The following POR variants were observed in gnomAD, a reference collection of about 807,000 sequenced individuals.
POR encodes cytochrome p450 oxidoreductase, also known as NADPH--cytochrome P450 reductase.
Under a neutral mutation model 84.0 loss-of-function variants are expected in POR, and 56 were observed. The observed-to-expected ratio is 0.67, with a 90% confidence interval of 0.54 to 0.83. The LOEUF (loss-of-function observed/expected upper bound fraction) is 0.83, where lower values mean the gene tolerates loss of function less well. Ranked by LOEUF, POR falls within the 40% of genes least tolerant of loss-of-function variation. The pLI is 0.00. For missense variants in POR, 938 were observed against 944.3 expected (o/e 0.99, Z 0.09); for synonymous variants, 414 against 400.5 (o/e 1.03, Z -0.40).
intron 2 of POR, among the ~76,000 whole-genome samples, chr7:75,967,326 C>T (rs1396702531): frequency 1.3e-5 from 2 of 152,148 alleles, no homozygotes; most frequent in African/African-American, 2.4e-5. Flanking sequence ...GAAGGGTGCT[C>T]CCCAAGACAG....
intron 1 of POR, among the ~76,000 whole-genome samples, chr7:75,930,776 C>A (rs1396683713): frequency 2.0e-5 from 3 of 152,206 alleles, no homozygotes; most frequent in Non-Finnish European, 2.9e-5. Flanking sequence ...CCCACCTCGA[C>A]CTCCCAGAGT....
At chr7:75,968,484 T>A (rs1788285492) in intron 2 of POR, among the ~76,000 whole-genome samples, 1 of 152,220 alleles carries the variant, frequency 6.6e-6, no homozygotes, top group South Asian at 2.1e-4. Flanking sequence ...AGGTCTGAGG[T>A]CCTCCGATGG....
At chr7:75,918,237 C>T (rs574833711) in intron 1 of POR, among the ~76,000 whole-genome samples, 24 of 151,978 alleles carry the variant, frequency 1.6e-4, no homozygotes, top group Non-Finnish European at 2.8e-4. Flanking sequence ...ACCTGGGAAG[C>T]GGAGGTTGCA....
At chr7:75,983,403 T>C in intron 8 of POR, 117 bp from the exon 9 acceptor site, 5 of 721,942 alleles carry the variant, frequency 6.9e-6, no homozygotes, top group Non-Finnish European at 1.2e-5. Context: ...ACCGGTGAGA[T>C]TTCCTCATGG....
chr7:75,938,421 T>C (rs1807804212), intron 1 of POR, among the ~76,000 whole-genome samples: 2 of 152,182 alleles, frequency 1.3e-5, no homozygotes, highest in Admixed American at 1.3e-4. Context: ...TAGACTGGCA[T>C]ACAGGCCCCT....
At position 75,917,634 on chromosome 7, in the gene POR, ATTTTC is replaced by A. The variant is rs531195850; in HGVS notation, c.-5+2475_-5+2479del. Among the ~76,000 whole-genome samples, 590 of 151,486 alleles carry A rather than the reference ATTTTC, an allele frequency of 3.9e-3. 3 individuals are homozygous for A. The highest frequency in any genetic ancestry group is 0.012 in the African/African-American group (515 of 41,288). On this transcript the variant is annotated intron_variant, in intron 1 of 15. Transcript: ENST00000461988. ...AAAAAGGTGAAATGGAGAAATGACA[ATTTTC>A]TTTTCTTTTCTTTTCTTTTTTTGAG...
In POR at chr7:75,985,740, G is replaced by T. The variant is rs782658271; in HGVS notation, c.1560G>T (p.Gln520His). Residue 520 changes from glutamine (Q) to histidine (H), a missense_variant, in exon 13 of 16, where the codon CAG (glutamine) becomes CAT (histidine). Gln to His is a conservative substitution (Grantham distance 24). Transcript: ENST00000461988. The stretch of plus-strand genomic sequence containing the variant: ...TGCCCATGTTCGTGCGCAAGTCCCA[G>T]TTCCGCCTGCCCTTCAAGGCCACCA... 6.3e-7 allele frequency: 1 copy of T among 1,586,540 alleles called. No individual in the cohort carries two copies. Among genetic ancestry groups the T allele is most frequent in the Non-Finnish European group, 8.6e-7 (1 of 1,168,078 alleles).
At chr7:75,966,669 C>T (rs1788196467) in intron 2 of POR, among the ~76,000 whole-genome samples, 2 of 152,174 alleles carry the variant, frequency 1.3e-5, no homozygotes, top group African/African-American at 2.4e-5. Flanking sequence ...AAAATCCAAC[C>T]GGATTTGCAG....
At chr7:75,982,134 C>T (rs1789085099) in intron 7 of POR, 90 bp from the exon 8 acceptor site, 1 of 927,418 alleles carries the variant, frequency 1.1e-6, no homozygotes, top group Non-Finnish European at 1.7e-6. Context: ...ACCCCAAAGG[C>T]CATGCACGGT....
intron 1 of POR, among the ~76,000 whole-genome samples, chr7:75,927,969 T>C (rs1162810443): frequency 2.9e-4 from 31 of 106,806 alleles, no homozygotes; most frequent in African/African-American, 1.3e-3. Context: ...CTCAGGTTTC[T>C]TTTTTTTTTT....
At chr7:75,976,416 C>T (rs1265799342) in intron 3 of POR, among the ~76,000 whole-genome samples, 1 of 148,072 alleles carries the variant, frequency 6.8e-6, no homozygotes, top group Non-Finnish European at 1.5e-5. Context: ...GCACTCCAGC[C>T]TGGCCAACAG....
chr7:75,935,629 G>A (rs1438588879), intron 1 of POR, among the ~76,000 whole-genome samples: 1 of 92,540 alleles, frequency 1.1e-5, no homozygotes, highest in Admixed American at 1.1e-4. Flanking sequence ...TTGTGTGTGT[G>A]TGTGTGTGTG....
At chr7:75,935,114 C>T (rs896485742) in intron 1 of POR, among the ~76,000 whole-genome samples, 1 of 152,162 alleles carries the variant, frequency 6.6e-6, no homozygotes, top group Non-Finnish European at 1.5e-5. Flanking sequence ...CGGATTGAAC[C>T]CTGCAAAGCC....
chr7:75,918,457 C>A (rs1554548379), intron 1 of POR, among the ~76,000 whole-genome samples: 1 of 152,172 alleles, frequency 6.6e-6, no homozygotes, highest in Non-Finnish European at 1.5e-5. Flanking sequence ...CTATACCAAG[C>A]CTTAGTTTCT....
chr7:75,952,642 T>C (rs1221924816), intron 1 of POR, among the ~76,000 whole-genome samples: 5 of 123,790 alleles, frequency 4.0e-5, no homozygotes, highest in African/African-American at 1.2e-4. Flanking sequence ...ACCTCCCAGA[T>C]GGGGTCGCGG....
rs781985778 is a variant in POR at position 75,985,928 on chromosome 7, G to A, written c.1675G>A (p.Glu559Lys). Residue 559 changes from glutamate to lysine, a missense_variant, in exon 14 of 16, where the codon GAG becomes AAG. Glu to Lys is a moderately conservative substitution (Grantham distance 56). Transcript: ENST00000461988. Reference sequence around the variant, plus strand: ...CCCCGGCCCCTGCCACGCAGGCAAGGAGGTGGGGGAGACGCTGCTGTACTA... The same window carrying A: ...CCCCGGCCCCTGCCACGCAGGCAAGAAGGTGGGGGAGACGCTGCTGTACTA... The A allele has an allele frequency of 1.3e-6, 2 of 1,586,044 alleles. No homozygotes were observed. Among genetic ancestry groups the A allele is most frequent in the East Asian group, 2.3e-5 (1 of 43,666 alleles).
At chr7:75,942,436 C>T (rs1786961976) in intron 1 of POR, among the ~76,000 whole-genome samples, 1 of 152,058 alleles carries the variant, frequency 6.6e-6, no homozygotes, top group Admixed American at 6.6e-5. Flanking sequence ...GCATTTTAAT[C>T]ATTGGAAGAC....
intron 1 of POR, among the ~76,000 whole-genome samples, chr7:75,928,190 C>T (rs1217900434): frequency 5.9e-5 from 9 of 152,002 alleles, no homozygotes; most frequent in African/African-American, 2.2e-4. Flanking sequence ...AGGCTGGTCT[C>T]GAACTCCTGA....
In POR at chr7:75,964,081, C is replaced by A. The variant is rs1554554862; in HGVS notation, c.189-8332C>A. On this transcript the variant is annotated intron_variant, in intron 2 of 15. Transcript: ENST00000461988. ...GTGGCACAATCTTGGCTCACTGCAA[C>A]CTCTGCCTCCTGGGTCCAAGTGATT... Among the ~76,000 whole-genome samples the A allele has an allele frequency of 2.6e-5, 4 of 151,654 alleles. No individual in the cohort carries two copies. In the South Asian group the frequency reaches 6.3e-4, roughly 24 times the overall value.
Sources: gnomAD v4.1 joint callset for allele counts (sites outside exome capture counted in the v4.1 genomes callset) on GRCh38, gnomAD v4.1.1 for gene constraint, MANE v1.5 for transcripts, NCBI Gene and HGNC (gene_info 2026-07-23, HGNC 2026-07-21) for gene names.